Variants in SMAP1 observed in about 807,000 individuals in gnomAD.
SMAP1 encodes the protein stromal membrane-associated protein 1.
A neutral mutation model predicts 58.5 loss-of-function variants in SMAP1; 24 were observed. The ratio of observed to expected loss-of-function variants is 0.41; its 90% CI spans 0.30 to 0.58. SMAP1 has a LOEUF of 0.58. Among genes scored for constraint, SMAP1 ranks in the 20% least tolerant of loss-of-function variants. The probability of loss-of-function intolerance (pLI) is 0.29; values close to 1 mark genes in which losing one functional copy is unlikely to be tolerated. For missense variants in SMAP1, 563 were observed against 566.3 expected, an observed-to-expected ratio of 0.99 and a Z score of 0.06; for synonymous variants, 216 against 196.6, an observed-to-expected ratio of 1.10 and a Z score of -0.82.
chr6:70,771,508 C>T (rs560890540), intron 3 of SMAP1, among the ~76,000 whole-genome samples: 1 of 152,326 alleles, frequency 6.6e-6, no homozygotes, highest in Non-Finnish European at 1.5e-5. Context: ...TCTCAGATTG[C>T]TGTGCCAGCA....
At position 70,840,320 on chromosome 6, in the gene SMAP1, G is replaced by T. The variant is rs532259601; in HGVS notation, c.664+3292G>T. On this transcript the variant is annotated intron_variant, in intron 7 of 10. Transcript: ENST00000370455. ...GACTTTAATGAACTTACTTTCTTTTGTGTAACCCAGTAACTCAGGTAAAAC... is the reference window on the plus strand; with the variant it reads ...GACTTTAATGAACTTACTTTCTTTTTTGTAACCCAGTAACTCAGGTAAAAC... Among the ~76,000 whole-genome samples, 58 of 152,094 alleles carry T rather than the reference G, an allele frequency of 3.8e-4. 1 individual carries two copies. Among genetic ancestry groups the T allele is most frequent in the African/African-American group, 1.4e-3 (58 of 41,470 alleles).
chr6:70,719,101 C>T (rs1387518343), intron 1 of SMAP1, among the ~76,000 whole-genome samples: 1 of 151,970 alleles, frequency 6.6e-6, no homozygotes, highest in Admixed American at 6.6e-5. Flanking sequence ...TTAACAGTAG[C>T]AGGTGAAATT....
At chr6:70,842,070 A>G (rs1414140605) in intron 7 of SMAP1, among the ~76,000 whole-genome samples, 3 of 152,178 alleles carry the variant, frequency 2.0e-5, no homozygotes, top group Non-Finnish European at 1.5e-5. Context: ...AGAGCTACCT[A>G]TTTGATCAGA....
chr6:70,762,240 C>G (rs889444558), intron 3 of SMAP1, among the ~76,000 whole-genome samples: 1 of 152,134 alleles, frequency 6.6e-6, no homozygotes, highest in Non-Finnish European at 1.5e-5. Flanking sequence ...GGCCCATGAG[C>G]TAGCTGCCTG....
At chr6:70,813,661 C>A (rs1245909474) in intron 6 of SMAP1, among the ~76,000 whole-genome samples, 12 of 152,056 alleles carry the variant, frequency 7.9e-5, no homozygotes, top group Admixed American at 7.9e-4. Context: ...GAGCCTTAAA[C>A]TTGTAGTGTT....
intron 6 of SMAP1, among the ~76,000 whole-genome samples, chr6:70,805,208 C>G (rs1554204103): frequency 6.6e-6 from 1 of 152,092 alleles, no homozygotes; most frequent in Non-Finnish European, 1.5e-5. Context: ...TCTTATTACT[C>G]TTTTTTCTCT....
At chr6:70,720,525 G>A (rs1768476430) in intron 1 of SMAP1, among the ~76,000 whole-genome samples, 2 of 152,164 alleles carry the variant, frequency 1.3e-5, no homozygotes, top group South Asian at 2.1e-4. Flanking sequence ...TCTGTGTGGG[G>A]GCTCTGACCC....
chr6:70,668,489 C>G, intron 1 of SMAP1: 1 of 1,459,404 alleles, frequency 6.9e-7, no homozygotes, highest in Non-Finnish European at 9.0e-7. Context: ...CTGGGCAGAG[C>G]TTAGGGTTAG....
chr6:70,700,934 G>GGGTGTGT (rs1767602132), intron 1 of SMAP1, among the ~76,000 whole-genome samples: 1 of 152,198 alleles, frequency 6.6e-6, no homozygotes, highest in Non-Finnish European at 1.5e-5. Flanking sequence ...TCATCGGGGA[G>GGGTGTGT]CTAGGTCCTG....
chr6:70,813,517 ATTATG>A (rs930105385), intron 6 of SMAP1, among the ~76,000 whole-genome samples: 15 of 152,144 alleles, frequency 9.9e-5, no homozygotes, highest in African/African-American at 3.4e-4. Flanking sequence ...AGGGTTTAAT[ATTATG>A]TTTTCATAAT....
At chr6:70,817,961 A>G (rs1351229373) in intron 6 of SMAP1, among the ~76,000 whole-genome samples, 3 of 152,178 alleles carry the variant, frequency 2.0e-5, no homozygotes, top group Admixed American at 6.6e-5. Context: ...TCCAGACTAA[A>G]ATAGCCAACA....
intron 1 of SMAP1, among the ~76,000 whole-genome samples, chr6:70,697,384 C>T (rs1356071771): frequency 6.6e-6 from 1 of 151,836 alleles, no homozygotes; most frequent in Non-Finnish European, 1.5e-5. Context: ...CAGCTCACTG[C>T]AACCTCCGCC....
chr6:70,804,427 G>A (rs1164454724), intron 6 of SMAP1, among the ~76,000 whole-genome samples: 2 of 151,896 alleles, frequency 1.3e-5, no homozygotes, highest in African/African-American at 2.4e-5. Context: ...GCACGCTGAT[G>A]GTGATGGGTT....
At chr6:70,684,770 A>G (rs1037218966) in intron 1 of SMAP1, among the ~76,000 whole-genome samples, 1 of 152,144 alleles carries the variant, frequency 6.6e-6, no homozygotes, top group Non-Finnish European at 1.5e-5. Flanking sequence ...TTATATGGTA[A>G]TATTTCCTCT....
chr6:70,673,190 T>C (rs1766338792), intron 1 of SMAP1, among the ~76,000 whole-genome samples: 1 of 152,216 alleles, frequency 6.6e-6, no homozygotes, highest in Non-Finnish European at 1.5e-5. Context: ...AGGGAGCCAC[T>C]GCTGAACTGC....
chr6:70,699,368 T>C (rs1198106662), intron 1 of SMAP1, among the ~76,000 whole-genome samples: 1 of 152,156 alleles, frequency 6.6e-6, no homozygotes, highest in Admixed American at 6.5e-5. Context: ...AGCATAGCAC[T>C]GAGTCTTACC....
intron 6 of SMAP1, among the ~76,000 whole-genome samples, chr6:70,822,597 T>C (rs1769937730): frequency 6.6e-6 from 1 of 152,212 alleles, no homozygotes; most frequent in Non-Finnish European, 1.5e-5. Flanking sequence ...TTTGATTTTC[T>C]GCAGTTTGAA....
At chr6:70,688,758 T>A (rs1084381) in intron 1 of SMAP1, among the ~76,000 whole-genome samples, 69,721 of 152,080 alleles carry the variant, frequency 0.46, 16,296 homozygotes, top group South Asian at 0.5. Context: ...TCACATGGTC[T>A]TGCATAGAAG....
intron 6 of SMAP1, among the ~76,000 whole-genome samples, chr6:70,806,377 A>T (rs901910049): frequency 6.6e-5 from 10 of 152,208 alleles, no homozygotes; most frequent in African/African-American, 2.4e-4. Flanking sequence ...TACAGTATTT[A>T]GGCAGGAGTG....
Sources: gnomAD v4.1 joint callset for allele counts (sites outside exome capture counted in the v4.1 genomes callset) on GRCh38, gnomAD v4.1.1 for gene constraint, MANE v1.5 for transcripts, NCBI Gene and HGNC (gene_info 2026-07-23, HGNC 2026-07-21) for gene names.